The following ABTB2 variants were observed in gnomAD, a reference collection of about 807,000 sequenced individuals.
The protein encoded by ABTB2 is ankyrin repeat and BTB/POZ domain-containing protein 2.
A neutral mutation model predicts 104.1 loss-of-function variants in ABTB2; 56 were observed. That is an observed-to-expected ratio of 0.54 (90% CI 0.43 to 0.67). The LOEUF is 0.67. Among genes scored for constraint, ABTB2 ranks in the 30% least tolerant of loss-of-function variants. The pLI, the probability that ABTB2 is intolerant of heterozygous loss-of-function variation, is 0.00. For missense variants in ABTB2, 1,279 were observed against 1,407.7 expected (o/e 0.91, Z 1.46); for synonymous variants, 606 against 608.2 (o/e 1.00, Z 0.05).
intron 1 of ABTB2, among the ~76,000 whole-genome samples, chr11:34,324,858 C>T (rs1855049743): frequency 6.6e-6 from 1 of 152,240 alleles, no homozygotes; most frequent in Non-Finnish European, 1.5e-5. Context: ...TATGTCCCGG[C>T]AGGCTCAGCC....
At position 34,229,121 on chromosome 11, in the gene ABTB2, GAAAA is replaced by G. The variant is rs370579783; in HGVS notation, c.884-24435_884-24432del. ...GGAGACAGAGCAAGACTCCGTCTTGGAAAAAAAAAAAAAAGAGAAAAAAGAAAAA... is the reference window on the plus strand; with the variant it reads ...GGAGACAGAGCAAGACTCCGTCTTGGAAAAAAAAAAGAGAAAAAAGAAAAA... On this transcript the variant is annotated intron_variant, in intron 1 of 16. Transcript: ENST00000435224. 4.4e-3 allele frequency among the ~76,000 whole-genome samples: 460 copies of G among 103,778 alleles called. 13 individuals carry two copies. Among genetic ancestry groups the G allele is most frequent in the Non-Finnish European group, 5.5e-3 (295 of 53,612 alleles). The allele number at this position is 103,778 out of a possible 152,430, so 68.1% of individuals were successfully genotyped here. A position where few individuals can be genotyped will look rare whatever the true frequency, so the allele number is the denominator to read the frequency against.
At chr11:34,270,911 C>T (rs1854306931) in intron 1 of ABTB2, among the ~76,000 whole-genome samples, 2 of 152,122 alleles carry the variant, frequency 1.3e-5, no homozygotes, top group South Asian at 4.1e-4. Context: ...CGCCTTTTGC[C>T]CTGAGGGCTG....
intron 1 of ABTB2, among the ~76,000 whole-genome samples, chr11:34,277,184 A>G (rs11606346): frequency 0.28 from 42,826 of 152,078 alleles, 7,031 homozygotes; most frequent in African/African-American, 0.43. Context: ...TTACAGGCGT[A>G]AGCCACCGTG....
At chr11:34,355,590 A>G (rs879760161) in intron 1 of ABTB2, among the ~76,000 whole-genome samples, 1 of 152,176 alleles carries the variant, frequency 6.6e-6, no homozygotes, top group Non-Finnish European at 1.5e-5. Flanking sequence ...ATGTTAAACC[A>G]TGTTTTGACT....
intron 16 of ABTB2, among the ~76,000 whole-genome samples, chr11:34,153,034 C>CA (rs1424911858): frequency 6.6e-6 from 1 of 152,020 alleles, no homozygotes; most frequent in African/African-American, 2.4e-5. Flanking sequence ...TTGGGAGAGA[C>CA]AGACAGAATC....
In ABTB2 at chr11:34,222,008, G is replaced by A. The variant is rs182295148; in HGVS notation, c.884-17318C>T. On this transcript the variant is annotated intron_variant, in intron 1 of 16. Transcript: ENST00000435224. The stretch of plus-strand genomic sequence containing the variant: ...TGCAGTGAGTCGAGATCGCACCATT[G>A]CATTTCCAGCCTGGGTGACAGAGTG... Among the ~76,000 whole-genome samples, 292 of 152,262 alleles carry A rather than the reference G, an allele frequency of 1.9e-3. 1 individual carries two copies. The highest frequency in any genetic ancestry group is 1.4e-3 in the Non-Finnish European group (97 of 68,022).
intron 1 of ABTB2, among the ~76,000 whole-genome samples, chr11:34,270,340 CTT>C (rs35884906): frequency 1.9e-4 from 26 of 137,342 alleles, no homozygotes; most frequent in Non-Finnish European, 1.7e-4. Flanking sequence ...GACGGTTTTC[CTT>C]TTTTTTTTTT....
rs1215816239 is a variant in ABTB2 at position 34,154,073 on chromosome 11, C to G, written c.2880+192G>C. Among the ~76,000 whole-genome samples the G allele has an allele frequency of 6.6e-6, 1 of 152,206 alleles. No homozygotes were observed. The highest frequency in any genetic ancestry group is 1.9e-4 in the East Asian group (1 of 5,194). ...CAAAAGCTCACCTCCCAAGCTACCACATGGCCAGTGGGCAGCAGTGACCCC... is the reference window on the plus strand; with the variant it reads ...CAAAAGCTCACCTCCCAAGCTACCAGATGGCCAGTGGGCAGCAGTGACCCC... On this transcript the variant is annotated intron_variant, in intron 16 of 16. Transcript: ENST00000435224. This position sits in a 1 kb window ranked among gnomAD's most constrained non-coding sequence, Gnocchi z 4.9.
intron 1 of ABTB2, among the ~76,000 whole-genome samples, chr11:34,343,845 C>T (rs924314451): frequency 6.6e-6 from 1 of 152,098 alleles, no homozygotes; most frequent in Non-Finnish European, 1.5e-5. Context: ...GAAACAACAA[C>T]CCTATCAGCT....
At chr11:34,251,516 C>T (rs1313299988) in intron 1 of ABTB2, among the ~76,000 whole-genome samples, 1 of 152,226 alleles carries the variant, frequency 6.6e-6, no homozygotes, top group Non-Finnish European at 1.5e-5. Flanking sequence ...AACTGTTGAC[C>T]GGTGTCCATG....
At chr11:34,316,448 C>G (rs890109989) in intron 1 of ABTB2, among the ~76,000 whole-genome samples, 1 of 152,194 alleles carries the variant, frequency 6.6e-6, no homozygotes, top group African/African-American at 2.4e-5. Flanking sequence ...AGTGGATGGG[C>G]TGAGCCTTCT....
intron 2 of ABTB2, among the ~76,000 whole-genome samples, chr11:34,202,115 TA>T (rs1853348469): frequency 6.6e-6 from 1 of 152,212 alleles, no homozygotes; most frequent in Non-Finnish European, 1.5e-5. Context: ...AGAGAGATGA[TA>T]AACTATTCGT....
chr11:34,200,976 T>C (rs550352262), intron 2 of ABTB2, among the ~76,000 whole-genome samples: 12 of 152,378 alleles, frequency 7.9e-5, no homozygotes, highest in African/African-American at 2.9e-4. Context: ...ATCTAGCTAA[T>C]AATAATTTTA....
At chr11:34,258,605 CTTTTTTTTTTT>C (rs35853565) in intron 1 of ABTB2, among the ~76,000 whole-genome samples, 37 of 95,172 alleles carry the variant, frequency 3.9e-4, no homozygotes, top group Non-Finnish European at 5.5e-4. Flanking sequence ...AGTGCCTGCT[CTTTTTTTTTTT>C]TTTTTTTTTT....
rs6484699 is a variant in ABTB2 at position 34,182,502 on chromosome 11, G to T, written c.1245-9195C>A. Among the ~76,000 whole-genome samples the T allele has an allele frequency of 1.5e-3, 197 of 129,346 alleles. 22 individuals are homozygous for T. The South Asian group carries it at 0.034, about 22-fold the overall frequency. 84.9% of individuals were successfully genotyped at this position (129,346 alleles called of 152,430 possible). Reference sequence around the variant, plus strand: ...AGGTGGGGCATTGGGTTCTCTGGGGGGGGGGGGAAATTCACTTTTCCTATT... The same window carrying T: ...AGGTGGGGCATTGGGTTCTCTGGGGTGGGGGGGAAATTCACTTTTCCTATT... On this transcript the variant is annotated intron_variant, in intron 3 of 16. Coordinates refer to ENST00000435224, the MANE Select transcript of ABTB2 (RefSeq NM_145804.3).
At chr11:34,156,432 T>C (rs1479147288) in intron 14 of ABTB2, among the ~76,000 whole-genome samples, 3 of 152,126 alleles carry the variant, frequency 2.0e-5, no homozygotes, top group South Asian at 2.1e-4. Context: ...CAGGGTTTCC[T>C]TCTGTCCTGA....
At chr11:34,323,906 CTTTTTTTTTTTT>C (rs56375939) in intron 1 of ABTB2, among the ~76,000 whole-genome samples, 3 of 63,878 alleles carry the variant, frequency 4.7e-5, no homozygotes, top group African/African-American at 1.5e-4. Flanking sequence ...TAAATTCCCT[CTTTTTTTTTTTT>C]TTTTTTTTTT....
intron 3 of ABTB2, among the ~76,000 whole-genome samples, chr11:34,173,817 G>C (rs1852921416): frequency 6.6e-6 from 1 of 152,160 alleles, no homozygotes; most frequent in South Asian, 2.1e-4. Flanking sequence ...GCAGGGTCAG[G>C]TCACCATCCC....
chr11:34,242,468 CACTT>C (rs1391012670), intron 1 of ABTB2: 1 of 152,386 alleles, frequency 6.6e-6, no homozygotes, highest in African/African-American at 2.4e-5. Context: ...GGTGATCCAG[CACTT>C]ACCTCATCCT....
Sources: allele counts gnomAD v4.1 joint callset (sites outside exome capture counted in the v4.1 genomes callset), GRCh38; gene constraint gnomAD v4.1.1; non-coding constraint Gnocchi (gnomAD v3.1); transcripts MANE v1.5; gene names NCBI Gene and HGNC (gene_info 2026-07-23, HGNC 2026-07-21).